ARID3B: variants seen among roughly 807,000 people sequenced by gnomAD.
The protein encoded by ARID3B is AT-rich interaction domain 3B.
ARID3B carries 10 observed loss-of-function variants against 51.9 expected under a neutral mutation model. The ratio of observed to expected loss-of-function variants is 0.19; its 90% CI spans 0.12 to 0.33. The LOEUF is 0.33. ARID3B is among the 10% of genes least tolerant of loss of function. The pLI, the probability that ARID3B is intolerant of heterozygous loss-of-function variation, is 1.00. For synonymous variants in ARID3B, 205 were observed against 279.5 expected, an observed-to-expected ratio of 0.73 and a Z score of 2.66; for missense variants, 483 against 716.3, an observed-to-expected ratio of 0.67 and a Z score of 3.72.
intron 2 of ARID3B, among the ~76,000 whole-genome samples, chr15:74,554,367 A>G (rs1016936489): frequency 6.6e-6 from 1 of 151,386 alleles, no homozygotes; most frequent in Admixed American, 6.6e-5. Flanking sequence ...CAGTGGCATG[A>G]TTTCTGCTCA....
At chr15:74,559,186 C>T (rs111803959) in intron 2 of ARID3B, among the ~76,000 whole-genome samples, 1 of 152,192 alleles carries the variant, frequency 6.6e-6, no homozygotes. Flanking sequence ...GAACCCTATT[C>T]GGGTCATGTT....
At chr15:74,584,262 T>G (rs1009248796) in intron 4 of ARID3B, among the ~76,000 whole-genome samples, 1 of 152,214 alleles carries the variant, frequency 6.6e-6, no homozygotes, top group Non-Finnish European at 1.5e-5. Context: ...AGCAGTCATT[T>G]CTCTGCTGGC....
chr15:74,543,847 G>A lies in ARID3B; in HGVS notation c.-77-13G>A. ...TTCCCCCTCCTTCTTTGTGGTTTCT[G>A]TTAATCACTAAGGTTTAGACCCAGT... On this transcript the variant is annotated splice_polypyrimidine_tract_variant and intron_variant, in intron 1 of 8. Transcript: ENST00000346246. 1 of 1,492,252 alleles carries A rather than the reference G, an allele frequency of 6.7e-7. No individual in the cohort carries two copies. Among genetic ancestry groups the A allele is most frequent in the Non-Finnish European group, 9.0e-7 (1 of 1,109,594 alleles). The allele number at this position is 1,492,252 out of a possible 1,614,324, so 92.4% of individuals were successfully genotyped here. A position where few individuals can be genotyped will look rare whatever the true frequency, so the allele number is the denominator to read the frequency against.
chr15:74,558,201 G>GTTTCTTTTTTTTCT (rs2061666676), intron 2 of ARID3B, among the ~76,000 whole-genome samples: 3 of 135,136 alleles, frequency 2.2e-5, no homozygotes, highest in African/African-American at 2.8e-5. Flanking sequence ...TTTTTTTTGG[G>GTTTCTTTTTTTTCT]TACTATTTTT....
chr15:74,557,903 G>A (rs1400037084), intron 2 of ARID3B, among the ~76,000 whole-genome samples: 1 of 145,870 alleles, frequency 6.9e-6, no homozygotes, highest in Non-Finnish European at 1.5e-5. Context: ...CTCACTGCAA[G>A]CACTGCCTTC....
intron 2 of ARID3B, among the ~76,000 whole-genome samples, chr15:74,560,513 G>A (rs959362655): frequency 9.9e-5 from 15 of 152,140 alleles, no homozygotes; most frequent in African/African-American, 3.6e-4. Context: ...GAGTGTTCAT[G>A]AAGATCTATT....
intron 4 of ARID3B, among the ~76,000 whole-genome samples, chr15:74,579,884 C>CGCGT (rs1491233921): frequency 1.3e-5 from 2 of 149,748 alleles, no homozygotes; most frequent in Non-Finnish European, 3.0e-5. Context: ...CGCGCGCGCG[C>CGCGT]ACACGCAAAA....
chr15:74,561,262 C>T (rs2061678739), intron 2 of ARID3B, among the ~76,000 whole-genome samples: 2 of 152,110 alleles, frequency 1.3e-5, no homozygotes, highest in South Asian at 2.1e-4. Context: ...TGTTTTTAAT[C>T]GTAGCTCTTT....
intron 2 of ARID3B, among the ~76,000 whole-genome samples, chr15:74,557,839 T>G (rs1011136699): frequency 1.5e-5 from 2 of 132,790 alleles, no homozygotes; most frequent in African/African-American, 5.9e-5. Context: ...TTTTTTTTTT[T>G]GAGACGGAGT....
intron 2 of ARID3B, among the ~76,000 whole-genome samples, chr15:74,565,442 CA>C (rs2061694196): frequency 6.6e-6 from 1 of 152,132 alleles, no homozygotes; most frequent in Non-Finnish European, 1.5e-5. Flanking sequence ...TGAGAGGTTC[CA>C]AAATATCAGG....
At chr15:74,587,749 A>C (rs559273722) in intron 4 of ARID3B, among the ~76,000 whole-genome samples, 1 of 152,274 alleles carries the variant, frequency 6.6e-6, no homozygotes, top group East Asian at 1.9e-4. Context: ...GGTAGGGGGA[A>C]GGTTTACTGT....
At chr15:74,571,895 G>A (rs1034855822) in intron 2 of ARID3B, among the ~76,000 whole-genome samples, 2 of 152,180 alleles carry the variant, frequency 1.3e-5, no homozygotes, top group African/African-American at 4.8e-5. Context: ...CCTGAGGTCA[G>A]GAGTTCGAGA....
chr15:74,594,405 G>A (rs1174788125), intron 8 of ARID3B, among the ~76,000 whole-genome samples: 4 of 151,982 alleles, frequency 2.6e-5, no homozygotes, highest in Non-Finnish European at 2.9e-5. Context: ...CTGAGATCGC[G>A]CCACTGCACT....
chr15:74,593,205 G>A lies in ARID3B; in HGVS notation c.1488G>A (p.Met496Ile), dbSNP rs1328281392. 1.2e-6 allele frequency: 2 copies of A among 1,613,576 alleles called. No homozygotes were observed. The highest frequency in any genetic ancestry group is 1.7e-6 in the Non-Finnish European group (2 of 1,179,952). Residue 496 changes from methionine to isoleucine, a missense_variant, in exon 8 of 9, where the codon ATG becomes ATA. Around this residue, in one of 3 missense-constraint regions of ARID3B, gnomAD observed 265 missense variants for 354.4 expected, o/e 0.75. Transcript: ENST00000346246. ...LTTSSIGSIN[M>I]SVDIDGTTYA... ...CGAGTAGCATTGGGAGCATTAACAT[G>A]TCTGTGGACATCGATGGCACCACCT...
intron 4 of ARID3B, among the ~76,000 whole-genome samples, chr15:74,579,828 C>CGTGTGTGTGTGTGTGTGTGTGT (rs374538596): frequency 7.3e-6 from 1 of 137,768 alleles, no homozygotes; most frequent in East Asian, 2.1e-4. Context: ...CACCTGTTGC[C>CGTGTGTGTGTGTGTGTGTGTGT]GTGTGTGTGT....
rs2061803988 is a variant in ARID3B at position 74,591,666 on chromosome 15, G to A, written c.1272G>A (p.Leu424=). 9.9e-6 allele frequency: 16 copies of A among 1,609,204 alleles called. No homozygotes were observed. The highest frequency in any genetic ancestry group is 1.3e-5 in the Non-Finnish European group (15 of 1,177,964). The change falls in exon 7 of 9, where the codon CTG becomes CTA. Residue 424 remains leucine (L), a synonymous_variant. Transcript: ENST00000346246. This position sits in a 1 kb window ranked among gnomAD's most constrained non-coding sequence, Gnocchi z 5.8. ...CTCGGACCGCCGCACTGGAGCAGCTGCGGGAGCGGCTGGAGTCAGGGGAGC... is the reference window on the plus strand; with the variant it reads ...CTCGGACCGCCGCACTGGAGCAGCTACGGGAGCGGCTGGAGTCAGGGGAGC... The part of the protein sequence containing the change: ...AGTRTAALEQ[L]RERLESGEPA...
intron 4 of ARID3B, among the ~76,000 whole-genome samples, chr15:74,579,788 A>G (rs1327444930): frequency 6.6e-6 from 1 of 150,844 alleles, no homozygotes; most frequent in African/African-American, 2.4e-5. Flanking sequence ...AAGACTGGTT[A>G]GGTTTAGAAC....
intron 2 of ARID3B, among the ~76,000 whole-genome samples, chr15:74,551,081 A>G (rs142811445): frequency 3.0e-4 from 46 of 152,328 alleles, no homozygotes; most frequent in Non-Finnish European, 5.9e-4. Flanking sequence ...TTCCATATAC[A>G]TGGGTTTCAC....
rs2141486794 is a variant in ARID3B at position 74,598,066 on chromosome 15, G to A, written c.*2292G>A. On this transcript the variant is annotated 3_prime_UTR_variant, in exon 9 of 9. Coordinates refer to ENST00000346246, the MANE Select transcript of ARID3B (RefSeq NM_006465.4). ...CCTGCAGCAAGTGTCTATATGTTGT[G>A]GTTATTTTCTATCTTACATGTTCTC... is the stretch of plus-strand genomic sequence containing the variant. 4 of 523,746 alleles carry A rather than the reference G, an allele frequency of 7.6e-6. No individual in the cohort carries two copies. In the East Asian group the frequency reaches 1.6e-4, roughly 21 times the overall value. The allele number at this position is 523,746 out of a possible 1,614,324, so 32.4% of individuals were successfully genotyped here. A position where few individuals can be genotyped will look rare whatever the true frequency, so the allele number is the denominator to read the frequency against.
Sources: gnomAD v4.1 joint callset for allele counts (sites outside exome capture counted in the v4.1 genomes callset) on GRCh38, gnomAD v4.1.1 for gene constraint, gnomAD v4.1.1 regional missense constraint, Gnocchi (gnomAD v3.1) non-coding constraint, MANE v1.5 for transcripts, NCBI Gene and HGNC (gene_info 2026-07-23, HGNC 2026-07-21) for gene names.